RELL1: variants seen among roughly 807,000 people sequenced by gnomAD.
The protein encoded by RELL1 is RELT like 1, also known as RELT-like protein 1.
In RELL1, 10 loss-of-function variants were observed where a neutral mutation model predicts 23.0. The ratio of observed to expected loss-of-function variants is 0.43; its 90% CI spans 0.27 to 0.74. The LOEUF is 0.74. Among genes scored for constraint, RELL1 ranks in the 30% least tolerant of loss-of-function variants. The pLI is 0.19. For synonymous variants in RELL1, 146 were observed against 146.8 expected, an observed-to-expected ratio of 0.99 and a Z score of 0.04; for missense variants, 315 against 364.4, an observed-to-expected ratio of 0.86 and a Z score of 1.10.
downstream of RELL1, among the ~76,000 whole-genome samples, chr4:37,589,535 T>G (rs560500906): frequency 6.6e-6 from 1 of 152,210 alleles, no homozygotes; most frequent in Non-Finnish European, 1.5e-5. Context: ...GTTTTATTTG[T>G]TTTTTATTTT....
At chr4:37,656,753 G>C (rs569796582) in intron 1 of RELL1, among the ~76,000 whole-genome samples, 14 of 152,310 alleles carry the variant, frequency 9.2e-5, no homozygotes, top group African/African-American at 2.6e-4. Flanking sequence ...TTATAAAAGC[G>C]AGTTCAGCTT....
intron 1 of RELL1, chr4:37,665,174 T>G (rs1425586090): frequency 2.2e-6 from 1 of 448,572 alleles, no homozygotes; most frequent in East Asian, 7.0e-5. Context: ...AGATCCTATT[T>G]GGTAGAACAG....
chr4:37,619,148 G>C (rs890610405), intron 6 of RELL1, among the ~76,000 whole-genome samples: 1 of 151,544 alleles, frequency 6.6e-6, no homozygotes, highest in Non-Finnish European at 1.5e-5. Flanking sequence ...CAAAGTGCTG[G>C]GATCACAGGC....
At chr4:37,598,041 CAT>C (rs1040068663) in intron 6 of RELL1, among the ~76,000 whole-genome samples, 2 of 140,336 alleles carry the variant, frequency 1.4e-5, no homozygotes, top group African/African-American at 5.2e-5. Context: ...TATATATACA[CAT>C]ATATATAAAA....
At position 37,649,229 on chromosome 4, in the gene RELL1, T is replaced by TA. The variant is rs759465447; in HGVS notation, c.313+46dup. 1.1e-5 allele frequency: 16 copies of TA among 1,464,130 alleles called. No individual in the cohort carries two copies. In the East Asian group the frequency reaches 3.6e-4, roughly 33 times the overall value. The allele number at this position is 1,464,130 out of a possible 1,614,324, so 90.7% of individuals were successfully genotyped here. A position where few individuals can be genotyped will look rare whatever the true frequency, so the allele number is the denominator to read the frequency against. ...AAGCATATATCACTGGTTTCATATT[T>TA]AAAAACTGTCTCCTCACCCCCAATA... is the stretch of plus-strand genomic sequence containing the variant. On this transcript the variant is annotated intron_variant, in intron 2 of 6. Coordinates refer to ENST00000454158, the MANE Select transcript of RELL1 (RefSeq NM_001085400.2).
chr4:37,625,168 C>A (rs1357840729), intron 6 of RELL1, among the ~76,000 whole-genome samples: 3 of 152,106 alleles, frequency 2.0e-5, no homozygotes, highest in East Asian at 3.9e-4. Context: ...AAATAAAAAT[C>A]AATACAATAG....
intron 1 of RELL1, among the ~76,000 whole-genome samples, chr4:37,665,732 T>C (rs911508165): frequency 3.3e-5 from 5 of 151,824 alleles, no homozygotes; most frequent in Non-Finnish European, 7.4e-5. Context: ...CGGGAAGAAA[T>C]GGGGTCAAAG....
intron 3 of RELL1, among the ~76,000 whole-genome samples, chr4:37,644,648 C>T (rs1391993693): frequency 4.0e-5 from 6 of 151,500 alleles, no homozygotes; most frequent in African/African-American, 9.7e-5. Context: ...TTAGTAGAGA[C>T]GGGGTTTCAC....
At chr4:37,680,988 C>T (rs1005303843) in intron 1 of RELL1, among the ~76,000 whole-genome samples, 12 of 146,116 alleles carry the variant, frequency 8.2e-5, no homozygotes, top group African/African-American at 3.0e-4. Flanking sequence ...AATATGCTAA[C>T]AATGGCTAGT....
intron 3 of RELL1, among the ~76,000 whole-genome samples, chr4:37,646,988 G>A (rs1357338819): frequency 6.6e-6 from 1 of 152,114 alleles, no homozygotes; most frequent in Non-Finnish European, 1.5e-5. Flanking sequence ...GCCTTCCAAA[G>A]TGCTGGGATT....
intron 6 of RELL1, among the ~76,000 whole-genome samples, chr4:37,630,427 T>C (rs1314923775): frequency 1.5e-5 from 2 of 136,328 alleles, no homozygotes; most frequent in African/African-American, 2.8e-5. Flanking sequence ...TGCAGTGGCG[T>C]GATCTCGGCT....
intron 6 of RELL1, among the ~76,000 whole-genome samples, chr4:37,630,252 A>C (rs2174657): frequency 0.12 from 18,678 of 151,948 alleles, 1,457 homozygotes; most frequent in Middle Eastern, 0.29. Flanking sequence ...GATAAGAAAC[A>C]TGGAAAGGAT....
chr4:37,648,592 C>G (rs933969176), intron 2 of RELL1, among the ~76,000 whole-genome samples: 12 of 152,170 alleles, frequency 7.9e-5, no homozygotes, highest in Admixed American at 7.2e-4. Context: ...ATTTCGTCTC[C>G]CCGGTTTTTC....
intron 1 of RELL1, among the ~76,000 whole-genome samples, chr4:37,651,060 A>G (rs1426104287): frequency 3.3e-5 from 1 of 29,890 alleles, no homozygotes; most frequent in Non-Finnish European, 1.1e-4. Flanking sequence ...ACTGTCTCAA[A>G]AAAAAAAAAA....
In RELL1 at chr4:37,635,014, C is replaced by T. The variant is rs61746651; in HGVS notation, c.553G>A (p.Gly185Ser). The T allele has an allele frequency of 1.1e-3, 1,800 of 1,614,206 alleles. 3 individuals are homozygous for T. Among genetic ancestry groups the T allele is most frequent in the Non-Finnish European group, 1.4e-3 (1,683 of 1,180,028 alleles). ...VCGHHLHTVG[G>S]VVERDVCHRC... ...TGACACACATCCCTCTCGACAACACCGCCCACCGTATGCAGATGATGGCCA... is the reference window on the plus strand; with the variant it reads ...TGACACACATCCCTCTCGACAACACTGCCCACCGTATGCAGATGATGGCCA... Residue 185 changes from glycine (G) to serine (S), a missense_variant, in exon 5 of 7, where the codon GGT becomes AGT. Coordinates refer to ENST00000454158, the MANE Select transcript of RELL1 (RefSeq NM_001085400.2).
intron 1 of RELL1, among the ~76,000 whole-genome samples, chr4:37,670,867 C>T (rs962784743): frequency 1.5e-4 from 23 of 152,176 alleles, no homozygotes; most frequent in African/African-American, 4.8e-4. Context: ...CCACCGCACC[C>T]GGCCGCCCCA....
At chr4:37,604,687 G>A (rs1184193593) in intron 6 of RELL1, among the ~76,000 whole-genome samples, 1 of 151,900 alleles carries the variant, frequency 6.6e-6, no homozygotes, top group East Asian at 1.9e-4. Context: ...AAGCGGGTGG[G>A]GAACAAAGGA....
At chr4:37,668,890 C>T (rs1392727865) in intron 1 of RELL1, among the ~76,000 whole-genome samples, 2 of 150,436 alleles carry the variant, frequency 1.3e-5, no homozygotes, top group Non-Finnish European at 3.0e-5. Context: ...ATGTGAGGAG[C>T]GTCTCTGCCC....
At chr4:37,588,602 G>A (rs1718435912), downstream of RELL1, 1 of 453,858 alleles carries the variant, frequency 2.2e-6, no homozygotes, top group African/African-American at 2.0e-5. Context: ...ATAACCCCAG[G>A]GTTGGGAGAA....
Sources: allele counts gnomAD v4.1 joint callset (sites outside exome capture counted in the v4.1 genomes callset), GRCh38; gene constraint gnomAD v4.1.1; transcripts MANE v1.5; gene names NCBI Gene and HGNC (gene_info 2026-07-23, HGNC 2026-07-21).